Variants in RAB12 observed in about 807,000 individuals in gnomAD.
The protein encoded by RAB12 is ras-related protein Rab-12.
In RAB12, 11 loss-of-function variants were observed where a neutral mutation model predicts 28.4. The observed-to-expected ratio is 0.39, with a 90% CI of 0.24 to 0.64. The LOEUF is 0.64. Ranked by LOEUF, RAB12 falls within the 30% of genes least tolerant of loss-of-function variation. The probability of loss-of-function intolerance (pLI) is 0.50; values close to 1 mark genes in which losing one functional copy is unlikely to be tolerated. For missense variants in RAB12, 276 were observed against 351.1 expected, an observed-to-expected ratio of 0.79 and a Z score of 1.71; for synonymous variants, 138 against 145.3, an observed-to-expected ratio of 0.95 and a Z score of 0.36.
chr18:8,625,090 C>T (rs1047999113), intron 2 of RAB12, 92 bp downstream of exon 2: 14 of 776,838 alleles, frequency 1.8e-5, no homozygotes, highest in Middle Eastern at 2.3e-4. Flanking sequence ...AGCTGATTTG[C>T]CTCTCCTACT....
intron 1 of RAB12, 50 bp from the exon 2 acceptor site, chr18:8,624,888 A>G (rs749067868): frequency 1.4e-5 from 16 of 1,161,826 alleles, no homozygotes; most frequent in East Asian, 2.3e-5. Flanking sequence ...TTTGTATGAC[A>G]AATTGCATCT....
intron 1 of RAB12, among the ~76,000 whole-genome samples, chr18:8,614,989 A>T (rs976900904): frequency 6.6e-6 from 1 of 151,856 alleles, no homozygotes; most frequent in African/African-American, 2.4e-5. Flanking sequence ...AAGCCCTTTA[A>T]CTCCGCTGCA....
chr18:8,619,009 G>C (rs530209200), intron 1 of RAB12, among the ~76,000 whole-genome samples: 2 of 152,068 alleles, frequency 1.3e-5, no homozygotes, highest in Non-Finnish European at 2.9e-5. Context: ...CAATCCCTTA[G>C]TAGAATATTA....
At chr18:8,621,503 G>A (rs9952374) in intron 1 of RAB12, among the ~76,000 whole-genome samples, 19,206 of 152,234 alleles carry the variant, frequency 0.13, 1,395 homozygotes, top group Admixed American at 0.17. Flanking sequence ...TCATGGAACC[G>A]TAGATCTGGC....
intron 4 of RAB12, 89 bp from the exon 5 acceptor site, chr18:8,636,164 T>G: frequency 1.2e-6 from 1 of 827,958 alleles, no homozygotes; most frequent in Non-Finnish European, 2.1e-6. Context: ...ATCCCAGCCC[T>G]TCCCTTGAAG....
At chr18:8,616,595 G>A (rs909165213) in intron 1 of RAB12, among the ~76,000 whole-genome samples, 5 of 152,024 alleles carry the variant, frequency 3.3e-5, no homozygotes, top group Non-Finnish European at 5.9e-5. Flanking sequence ...TGTGTTTTTC[G>A]CTGGCTTCCT....
chr18:8,612,837 T>C (rs1243296118), intron 1 of RAB12, among the ~76,000 whole-genome samples: 1 of 152,140 alleles, frequency 6.6e-6, no homozygotes, highest in Admixed American at 6.5e-5. Flanking sequence ...AGCCCTTTTT[T>C]GATTTTTAGT....
chr18:8,627,135 A>G (rs947500988), intron 2 of RAB12, among the ~76,000 whole-genome samples: 1 of 152,240 alleles, frequency 6.6e-6, no homozygotes, highest in Non-Finnish European at 1.5e-5. Context: ...GTTTTAAAGT[A>G]ATGCGTGGCT....
At chr18:8,624,887 C>A in intron 1 of RAB12, 51 bp from the exon 2 acceptor site, 1 of 1,148,498 alleles carries the variant, frequency 8.7e-7, no homozygotes, top group Non-Finnish European at 1.3e-6. Context: ...TTTTGTATGA[C>A]AAATTGCATC....
At chr18:8,636,394 C>T (rs1264687276) in intron 5 of RAB12, 37 bp downstream of exon 5, 2 of 1,243,562 alleles carry the variant, frequency 1.6e-6, no homozygotes, top group South Asian at 2.8e-5. Flanking sequence ...AGTATATCAT[C>T]TGAAACCTGT....
chr18:8,636,165 T>G, intron 4 of RAB12, 88 bp from the exon 5 acceptor site: 1 of 832,002 alleles, frequency 1.2e-6, no homozygotes, highest in Admixed American at 1.9e-5. Context: ...TCCCAGCCCT[T>G]CCCTTGAAGC....
intron 2 of RAB12, among the ~76,000 whole-genome samples, chr18:8,628,406 A>G (rs1277886203): frequency 6.6e-6 from 1 of 152,206 alleles, no homozygotes; most frequent in Non-Finnish European, 1.5e-5. Flanking sequence ...AATAGAAAAT[A>G]AAAGCTTTCT....
chr18:8,637,339 A>G (rs995201796), intron 5 of RAB12, among the ~76,000 whole-genome samples: 2 of 151,800 alleles, frequency 1.3e-5, no homozygotes, highest in Non-Finnish European at 2.9e-5. Context: ...TTTAGTAAGT[A>G]TGCAACTCCT....
At chr18:8,616,464 C>G (rs910899835) in intron 1 of RAB12, among the ~76,000 whole-genome samples, 1 of 151,802 alleles carries the variant, frequency 6.6e-6, no homozygotes, top group African/African-American at 2.4e-5. Context: ...AAAATGTTTT[C>G]CCTCCAACTC....
intron 1 of RAB12, among the ~76,000 whole-genome samples, chr18:8,612,819 C>T (rs2096004582): frequency 6.6e-6 from 1 of 152,190 alleles, no homozygotes; most frequent in Non-Finnish European, 1.5e-5. Context: ...TGCAGGTGCA[C>T]ACCACCAAGC....
chr18:8,633,461 C>T (rs2096017090), intron 3 of RAB12, 134 bp downstream of exon 3: 1 of 980,320 alleles, frequency 1.0e-6, no homozygotes, highest in Non-Finnish European at 1.5e-6. Context: ...CATATATAGC[C>T]TTCGGGATAG....
At chr18:8,638,001 T>G in intron 5 of RAB12, 148 bp from the exon 6 acceptor site, 3 of 582,436 alleles carry the variant, frequency 5.2e-6, no homozygotes, top group East Asian at 3.0e-5. Context: ...AGAAGGTGAG[T>G]GGGGAGGCAG....
Position 8,619,464 on chromosome 18 carries a change from C to T in RAB12, c.515-5474C>T, listed in dbSNP as rs192950938. ...AAGCACTAAGTCCAGGGATTCCTCC[C>T]GCTGTTGCTAGACATGTGAAAGACA... is the stretch of plus-strand genomic sequence containing the variant. On this transcript the variant is annotated intron_variant, in intron 1 of 5. Coordinates refer to ENST00000649141, the MANE Select transcript of RAB12 (RefSeq NM_001025300.3). 2.7e-3 allele frequency among the ~76,000 whole-genome samples: 416 copies of T among 152,318 alleles called. 2 individuals carry two copies. The highest frequency in any genetic ancestry group is 3.4e-3 in the Middle Eastern group (1 of 294).
chr18:8,610,853 G>A (rs1180666992), intron 1 of RAB12, among the ~76,000 whole-genome samples: 1 of 152,158 alleles, frequency 6.6e-6, no homozygotes, highest in Non-Finnish European at 1.5e-5. Context: ...GGCGGTCCAA[G>A]AAACTGAGTA....
Sources: allele counts gnomAD v4.1 joint callset (sites outside exome capture counted in the v4.1 genomes callset), GRCh38; gene constraint gnomAD v4.1.1; transcripts MANE v1.5; gene names NCBI Gene and HGNC (gene_info 2026-07-23, HGNC 2026-07-21).